The following TNRC6B variants were observed in gnomAD, a reference collection of about 807,000 sequenced individuals.
The protein encoded by TNRC6B is trinucleotide repeat-containing gene 6B protein.
A neutral mutation model predicts 203.6 loss-of-function variants in TNRC6B; 52 were observed. The ratio of observed to expected loss-of-function variants is 0.26; its 90% CI spans 0.20 to 0.32. TNRC6B has a LOEUF of 0.32. Among genes scored for constraint, TNRC6B ranks in the 10% least tolerant of loss-of-function variants. TNRC6B has a pLI of 1.00. For synonymous variants in TNRC6B, 838 were observed against 845.7 expected (o/e 0.99, Z 0.16); for missense variants, 1,923 against 2,286.2 (o/e 0.84, Z 3.24).
In TNRC6B at chr22:40,265,657, A is replaced by G. The variant is rs371005172; in HGVS notation, c.1427A>G (p.Asn476Ser). 9.9e-6 allele frequency: 16 copies of G among 1,613,826 alleles called. No individual in the cohort carries two copies. The highest frequency in any genetic ancestry group is 1.7e-5 in the Admixed American group (1 of 59,980). Residue 476 changes from asparagine to serine, a missense_variant, in exon 5 of 23, where the codon AAT (asparagine) becomes AGT (serine). Asn to Ser is a conservative substitution (Grantham distance 46). Transcript: ENST00000454349. Reference sequence around the variant, plus strand: ...TCAAAAAATGACTCTTGGGACAACAATAACAGGTCTACGGGTGGGTCCTGG... The same window carrying G: ...TCAAAAAATGACTCTTGGGACAACAGTAACAGGTCTACGGGTGGGTCCTGG... Reference protein sequence around the residue: ...TGSKNDSWDNNNRSTGGSWNF... With the variant: ...TGSKNDSWDNSNRSTGGSWNF...
intron 1 of TNRC6B, among the ~76,000 whole-genome samples, chr22:40,068,780 C>T (rs531203885): frequency 3.3e-5 from 5 of 152,016 alleles, no homozygotes; most frequent in South Asian, 4.2e-4. Context: ...GATGAGGTCT[C>T]GCCGTGTTGC....
intron 1 of TNRC6B, among the ~76,000 whole-genome samples, chr22:40,199,023 C>T (rs1303729261): frequency 6.6e-6 from 1 of 152,012 alleles, no homozygotes; most frequent in African/African-American, 2.4e-5. Context: ...CCTGGAACAT[C>T]TTGGGTTAGA....
intron 1 of TNRC6B, among the ~76,000 whole-genome samples, chr22:40,067,287 T>C (rs1380663490): frequency 6.6e-6 from 1 of 152,180 alleles, no homozygotes; most frequent in Non-Finnish European, 1.5e-5. Flanking sequence ...GCTATTCATA[T>C]ACGATGTTGA....
intron 1 of TNRC6B, among the ~76,000 whole-genome samples, chr22:40,069,074 T>G (rs185776317): frequency 6.6e-6 from 1 of 152,248 alleles, no homozygotes; most frequent in East Asian, 1.9e-4. Flanking sequence ...ATCCTTTGTT[T>G]CCAGGACCTA....
chr22:40,236,308 C>T (rs1257278354), intron 1 of TNRC6B, among the ~76,000 whole-genome samples: 1 of 152,182 alleles, frequency 6.6e-6, no homozygotes, highest in Non-Finnish European at 1.5e-5. Flanking sequence ...GCCCAACCAC[C>T]TGTCATCTCA....
At chr22:40,254,425 C>T (rs1363526970) in intron 3 of TNRC6B, among the ~76,000 whole-genome samples, 3 of 152,142 alleles carry the variant, frequency 2.0e-5, no homozygotes, top group Non-Finnish European at 2.9e-5. Context: ...GAGGCTGAGA[C>T]AGGAGGGTTG....
At chr22:40,309,584 C>T (rs2071143828) in intron 16 of TNRC6B, among the ~76,000 whole-genome samples, 1 of 152,156 alleles carries the variant, frequency 6.6e-6, no homozygotes, top group Non-Finnish European at 1.5e-5. Context: ...TAATCTAAGC[C>T]CACTGATATC....
intron 3 of TNRC6B, among the ~76,000 whole-genome samples, chr22:40,154,840 CAAAAAAAAAAAA>C (rs57206167): frequency 3.4e-5 from 1 of 29,236 alleles, no homozygotes; most frequent in East Asian, 1.5e-3. Flanking sequence ...GACTCTATCT[CAAAAAAAAAAAA>C]AAAAAAAAAT....
intron 1 of TNRC6B, among the ~76,000 whole-genome samples, chr22:40,066,327 T>C (rs1228815961): frequency 1.3e-5 from 2 of 152,192 alleles, no homozygotes; most frequent in South Asian, 2.1e-4. Context: ...AGGATAAATA[T>C]TGCTCTCGTT....
At position 40,265,123 on chromosome 22, in the gene TNRC6B, G is replaced by A. The variant is rs764877745; in HGVS notation, c.893G>A (p.Gly298Asp). 1 of 1,613,880 alleles carries A rather than the reference G, an allele frequency of 6.2e-7. No individual in the cohort carries two copies. Among genetic ancestry groups the A allele is most frequent in the African/African-American group, 1.3e-5 (1 of 74,916 alleles). Reference protein sequence around the residue: ...SGQDRIGPGSGFSNFNPNSNP... With the variant: ...SGQDRIGPGSDFSNFNPNSNP... ...CAGGATAGAATTGGACCTGGCTCTG[G>A]CTTCAGCAACTTTAACCCAAATAGC... The change falls in exon 5 of 23, where the codon GGC (glycine) becomes GAC (aspartate). Residue 298 changes from glycine (G) to aspartate (D), a missense_variant. Physicochemically the swap from Gly to Asp is moderately conservative, Grantham distance 94. This residue lies in a region of TNRC6B where 614 missense variants were observed against 587.7 expected (regional missense o/e 1.04). Transcript: ENST00000454349.
At chr22:40,130,647 C>T (rs936912998) in intron 3 of TNRC6B, among the ~76,000 whole-genome samples, 4 of 149,978 alleles carry the variant, frequency 2.7e-5, no homozygotes, top group Non-Finnish European at 4.4e-5. Flanking sequence ...ATTAGCCGGG[C>T]GAGGTGGCGG....
At chr22:40,309,168 C>T (rs2071137411) in intron 16 of TNRC6B, among the ~76,000 whole-genome samples, 1 of 152,328 alleles carries the variant, frequency 6.6e-6, no homozygotes, top group South Asian at 2.1e-4. Context: ...AGGCTTTGGT[C>T]GTGATGTTGG....
intron 3 of TNRC6B, among the ~76,000 whole-genome samples, chr22:40,155,752 A>G (rs1267816142): frequency 6.6e-6 from 1 of 152,210 alleles, no homozygotes; most frequent in Non-Finnish European, 1.5e-5. Context: ...CTTGACTGAC[A>G]TAAGATTGAA....
At chr22:40,125,946 C>T (rs1180956621) in intron 3 of TNRC6B, 8 of 1,338,668 alleles carry the variant, frequency 6.0e-6, no homozygotes, top group Middle Eastern at 1.9e-4. Context: ...TTTCATTTTA[C>T]ATGACTGTAA....
intron 1 of TNRC6B, among the ~76,000 whole-genome samples, chr22:40,105,321 T>G (rs929782946): frequency 6.6e-6 from 1 of 152,206 alleles, no homozygotes; most frequent in African/African-American, 2.4e-5. Flanking sequence ...GAAAAGTGCA[T>G]AAAGTACAAA....
chr22:40,323,094 C>T lies in TNRC6B; in HGVS notation c.5355C>T (p.Ala1785=), dbSNP rs756279565. 5 of 1,608,910 alleles carry T rather than the reference C, an allele frequency of 3.1e-6. No homozygotes were observed. Among genetic ancestry groups the T allele is most frequent in the East Asian group, 4.5e-5 (2 of 44,760 alleles). ...GCAGCGCTGGTGGCAGCAGCGGGGC[C>T]GATCTTGCTGGCGCTTCATTGTGGG... is the stretch of plus-strand genomic sequence containing the variant. ...WSSSAGGSSG[A]DLAGASLWGP... The change falls in exon 23 of 23, where the codon GCC becomes GCT. Residue 1785 remains alanine (A), a synonymous_variant. Transcript: ENST00000454349.
chr22:40,096,525 C>A (rs949628582), intron 1 of TNRC6B, among the ~76,000 whole-genome samples: 1 of 152,138 alleles, frequency 6.6e-6, no homozygotes, highest in Admixed American at 6.5e-5. Context: ...GGTAGGACTT[C>A]ATCAAGATGT....
intron 15 of TNRC6B, among the ~76,000 whole-genome samples, chr22:40,304,903 C>T (rs1214750117): frequency 2.6e-5 from 4 of 152,100 alleles, no homozygotes; most frequent in South Asian, 2.1e-4. Flanking sequence ...CATGTGGACA[C>T]GGACTTAGAA....
At chr22:40,053,663 A>T (rs568642158) in intron 1 of TNRC6B, among the ~76,000 whole-genome samples, 12 of 152,292 alleles carry the variant, frequency 7.9e-5, no homozygotes, top group African/African-American at 2.6e-4. Context: ...TCATCTTTGC[A>T]TCCCTAGGCA....
Sources: gnomAD v4.1 joint callset for allele counts (sites outside exome capture counted in the v4.1 genomes callset) on GRCh38, gnomAD v4.1.1 for gene constraint, gnomAD v4.1.1 regional missense constraint, MANE v1.5 for transcripts, NCBI Gene and HGNC (gene_info 2026-07-23, HGNC 2026-07-21) for gene names.